NUDCD1: variants seen among roughly 807,000 people sequenced by gnomAD.
The protein encoded by NUDCD1 is NudC domain containing 1.
A neutral mutation model predicts 67.8 loss-of-function variants in NUDCD1; 60 were observed. That is an observed-to-expected ratio of 0.88 (90% CI 0.72 to 1.10). The LOEUF (loss-of-function observed/expected upper bound fraction) is 1.10. Ranked by LOEUF, NUDCD1 falls within the 50% of genes least tolerant of loss-of-function variation. The pLI, the probability that NUDCD1 is intolerant of heterozygous loss-of-function variation, is 0.00. For missense variants in NUDCD1, 643 were observed against 695.0 expected (o/e 0.93, Z 0.84); for synonymous variants, 244 against 230.8 (o/e 1.06, Z -0.52).
intron 3 of NUDCD1, among the ~76,000 whole-genome samples, chr8:109,295,418 A>G (rs1269471036): frequency 6.6e-6 from 1 of 152,204 alleles, no homozygotes; most frequent in African/African-American, 2.4e-5. Context: ...ACAGTATCCA[A>G]TGAATATCTG....
At chr8:109,320,139 C>T (rs1815499708) in intron 2 of NUDCD1, among the ~76,000 whole-genome samples, 1 of 152,192 alleles carries the variant, frequency 6.6e-6, no homozygotes, top group Admixed American at 6.5e-5. Context: ...AAGTTTCAGG[C>T]ACCATTGTCA....
At chr8:109,274,896 TAA>T (rs1814242941) in intron 7 of NUDCD1, among the ~76,000 whole-genome samples, 1 of 152,180 alleles carries the variant, frequency 6.6e-6, no homozygotes, top group Non-Finnish European at 1.5e-5. Flanking sequence ...GTTGTCACTG[TAA>T]TTATCACAAT....
At chr8:109,332,943 T>C (rs1403823486) in intron 1 of NUDCD1, among the ~76,000 whole-genome samples, 1 of 152,202 alleles carries the variant, frequency 6.6e-6, no homozygotes, top group African/African-American at 2.4e-5. Flanking sequence ...TTGTATTTTG[T>C]ACATATCCCT....
chr8:109,281,753 C>T (rs1814444020), intron 5 of NUDCD1, among the ~76,000 whole-genome samples: 1 of 152,194 alleles, frequency 6.6e-6, no homozygotes, highest in Non-Finnish European at 1.5e-5. Context: ...GCATTCAAAG[C>T]ACCTTGCCCA....
At chr8:109,310,536 A>T (rs1194503852) in intron 2 of NUDCD1, among the ~76,000 whole-genome samples, 1 of 152,226 alleles carries the variant, frequency 6.6e-6, no homozygotes, top group East Asian at 1.9e-4. Context: ...CATTGGAAAA[A>T]CCCTTCTAGA....
At chr8:109,303,879 T>C (rs749333790) in intron 2 of NUDCD1, among the ~76,000 whole-genome samples, 1 of 152,012 alleles carries the variant, frequency 6.6e-6, no homozygotes, top group Non-Finnish European at 1.5e-5. Context: ...GTCTATAAAC[T>C]CTCCTTACGA....
chr8:109,270,465 G>T (rs189579093), intron 8 of NUDCD1, among the ~76,000 whole-genome samples: 64 of 152,186 alleles, frequency 4.2e-4, no homozygotes, highest in Non-Finnish European at 7.6e-4. Flanking sequence ...TAATCAATTT[G>T]TCAGAGGCTT....
intron 2 of NUDCD1, among the ~76,000 whole-genome samples, chr8:109,301,955 CG>C (rs1815001130): frequency 6.6e-6 from 1 of 152,116 alleles, no homozygotes; most frequent in South Asian, 2.1e-4. Context: ...AAGTCAAGTG[CG>C]GGGATGCCTG....
chr8:109,322,275 C>T (rs892334173), intron 2 of NUDCD1, 34 bp downstream of exon 2: 1 of 1,196,230 alleles, frequency 8.4e-7, no homozygotes, highest in Non-Finnish European at 1.2e-6. Flanking sequence ...ATATTACATA[C>T]ATATATTAAT....
intron 5 of NUDCD1, among the ~76,000 whole-genome samples, chr8:109,282,737 C>T (rs965676203): frequency 9.9e-5 from 15 of 151,694 alleles, no homozygotes; most frequent in African/African-American, 3.4e-4. Flanking sequence ...ATGTAGATGG[C>T]GGGTTGATGA....
In NUDCD1 at chr8:109,333,923, G is replaced by A; in HGVS notation, c.88C>T (p.Leu30=). 6.2e-7 allele frequency: 1 copy of A among 1,614,204 alleles called. No individual in the cohort carries two copies. Among genetic ancestry groups the A allele is most frequent in the African/African-American group, 1.3e-5 (1 of 75,072 alleles). ...FEGYKLSLEP[L]PCYQLELDAA... ...TCAAGCTCCAGCTGGTAACAAGGCA[G>A]CGGCTCAAGAGAGAGCTTGTAACCC... is the stretch of plus-strand genomic sequence containing the variant. The change falls in exon 1 of 10, where the codon CTG becomes TTG. Residue 30 remains leucine, a synonymous_variant. Transcript: ENST00000239690.
At position 109,252,902 on chromosome 8, in the gene NUDCD1, AG is replaced by A. The variant is rs1434588738; in HGVS notation, c.1300-7422del. Among the ~76,000 whole-genome samples the A allele has an allele frequency of 6.7e-4, 102 of 152,344 alleles. 1 individual carries two copies. The highest frequency in any genetic ancestry group is 3.4e-3 in the Middle Eastern group (1 of 294). On this transcript the variant is annotated intron_variant, in intron 8 of 9. Transcript: ENST00000239690. ...AACTTTCTACATTTTAGGCAAAAGC[AG>A]GAATTTCCTTGATCACTATTTATTA...
At chr8:109,244,479 G>A (rs942011131) in intron 9 of NUDCD1, among the ~76,000 whole-genome samples, 1 of 152,088 alleles carries the variant, frequency 6.6e-6, no homozygotes, top group Admixed American at 6.5e-5. Context: ...GGTTAAATTA[G>A]TTAACCAAAC....
At chr8:109,285,026 T>C (rs1357125525) in intron 5 of NUDCD1, among the ~76,000 whole-genome samples, 1 of 150,486 alleles carries the variant, frequency 6.6e-6, no homozygotes, top group Admixed American at 6.6e-5. Flanking sequence ...ACCCAGAGAC[T>C]ATTATGAAGC....
intron 8 of NUDCD1, among the ~76,000 whole-genome samples, chr8:109,266,759 G>A (rs1402570960): frequency 6.6e-6 from 1 of 151,982 alleles, no homozygotes; most frequent in Non-Finnish European, 1.5e-5. Context: ...ACACTTCAGT[G>A]ACCAATTTAA....
intron 7 of NUDCD1, among the ~76,000 whole-genome samples, chr8:109,272,956 T>C (rs1403224964): frequency 1.3e-5 from 2 of 152,144 alleles, no homozygotes; most frequent in Non-Finnish European, 2.9e-5. Context: ...CCCTATAGAT[T>C]TCTCCTTCCC....
intron 5 of NUDCD1, 87 bp downstream of exon 5, chr8:109,289,664 T>C (rs1053416085): frequency 1.2e-5 from 8 of 680,430 alleles, no homozygotes; most frequent in African/African-American, 7.6e-5. Context: ...CTTGCCCTTG[T>C]AGAACTATTA....
chr8:109,304,207 C>T (rs1455051468), intron 2 of NUDCD1, among the ~76,000 whole-genome samples: 1 of 152,148 alleles, frequency 6.6e-6, no homozygotes, highest in Non-Finnish European at 1.5e-5. Context: ...ACACAAGAGC[C>T]GGGACCGTGC....
At chr8:109,252,945 T>C (rs567454988) in intron 8 of NUDCD1, among the ~76,000 whole-genome samples, 1 of 152,302 alleles carries the variant, frequency 6.6e-6, no homozygotes, top group East Asian at 1.9e-4. Flanking sequence ...CTAAAAAGCT[T>C]AGGATTTCAA....
Sources: gnomAD v4.1 joint callset for allele counts (sites outside exome capture counted in the v4.1 genomes callset) on GRCh38, gnomAD v4.1.1 for gene constraint, MANE v1.5 for transcripts, NCBI Gene and HGNC (gene_info 2026-07-23, HGNC 2026-07-21) for gene names.